The following MYO1E variants were observed in gnomAD, a reference collection of about 807,000 sequenced individuals.
The protein encoded by MYO1E is myosin IE.
A neutral mutation model predicts 151.1 loss-of-function variants in MYO1E; 68 were observed. The ratio of observed to expected loss-of-function variants is 0.45; its 90% CI spans 0.37 to 0.55. The LOEUF (loss-of-function observed/expected upper bound fraction) is 0.55. Among genes scored for constraint, MYO1E ranks in the 20% least tolerant of loss-of-function variants. The pLI, the probability that MYO1E is intolerant of heterozygous loss-of-function variation, is 0.00. For missense variants in MYO1E, 1,363 were observed against 1,389.3 expected, an observed-to-expected ratio of 0.98 and a Z score of 0.30; for synonymous variants, 601 against 501.7, an observed-to-expected ratio of 1.20 and a Z score of -2.64.
At chr15:59,275,175 ATGAC>A (rs1159828709) in intron 1 of MYO1E, among the ~76,000 whole-genome samples, 2 of 152,166 alleles carry the variant, frequency 1.3e-5, no homozygotes, top group Non-Finnish European at 2.9e-5. Flanking sequence ...TCATACATGA[ATGAC>A]TGACTTATTG....
intron 3 of MYO1E, among the ~76,000 whole-genome samples, chr15:59,257,653 G>A (rs767639073): frequency 1.3e-5 from 2 of 152,108 alleles, no homozygotes; most frequent in Non-Finnish European, 2.9e-5. Context: ...TGGTGGGGAG[G>A]GGTTAGGATG....
intron 22 of MYO1E, among the ~76,000 whole-genome samples, chr15:59,167,932 G>A (rs1382958065): frequency 6.6e-6 from 1 of 152,032 alleles, no homozygotes; most frequent in Non-Finnish European, 1.5e-5. Flanking sequence ...GCTCGCCTCG[G>A]CCTCCCAAAG....
chr15:59,290,552 C>A (rs1392004402), intron 1 of MYO1E, among the ~76,000 whole-genome samples: 1 of 152,158 alleles, frequency 6.6e-6, no homozygotes, highest in Non-Finnish European at 1.5e-5. Flanking sequence ...AGTCAGACTC[C>A]CCATGCCTGG....
chr15:59,255,882 G>A (rs182167578), intron 4 of MYO1E, among the ~76,000 whole-genome samples: 69 of 152,304 alleles, frequency 4.5e-4, no homozygotes, highest in African/African-American at 1.4e-3. Context: ...ATTATGAAAT[G>A]TGGCTACAGA....
chr15:59,367,009 A>C (rs1241581679), intron 1 of MYO1E, among the ~76,000 whole-genome samples: 3 of 150,874 alleles, frequency 2.0e-5, no homozygotes, highest in Non-Finnish European at 4.4e-5. Flanking sequence ...AAAAAAAAAA[A>C]AAAAAAAAAA....
intron 4 of MYO1E, among the ~76,000 whole-genome samples, chr15:59,250,393 C>G (rs142986606): frequency 6.6e-6 from 1 of 152,060 alleles, no homozygotes; most frequent in African/African-American, 2.4e-5. Context: ...GTTTTCTGGT[C>G]GGCAATACTG....
At chr15:59,147,420 C>T (rs1368278317) in intron 26 of MYO1E, among the ~76,000 whole-genome samples, 7 of 151,764 alleles carry the variant, frequency 4.6e-5, no homozygotes, top group South Asian at 2.1e-4. Flanking sequence ...GCCAACATGG[C>T]GAAACCCCGT....
Position 59,153,688 on chromosome 15 carries a change from G to A in MYO1E, c.2982C>T (p.Arg994=), listed in dbSNP as rs1399295514. 1 of 1,614,198 alleles carries A rather than the reference G, an allele frequency of 6.2e-7. No homozygotes were observed. The highest frequency in any genetic ancestry group is 1.1e-5 in the South Asian group (1 of 91,086). Residue 994 remains arginine (R), a synonymous_variant, in exon 26 of 28, where the codon CGC becomes CGT. Transcript: ENST00000288235. ...TAGACTGCTGCCGAGGCAAGGGCGG[G>A]CGGGCCATGGAGGTGTACAGGCTTT... ...NQKSLYTSMA[R]PPLPRQQSTS...
At chr15:59,224,506 T>G (rs906408715) in intron 8 of MYO1E, among the ~76,000 whole-genome samples, 183 bp downstream of exon 8, 1 of 152,224 alleles carries the variant, frequency 6.6e-6, no homozygotes, top group African/African-American at 2.4e-5. Flanking sequence ...TAAGTGGTCC[T>G]CAGGCAACTG....
chr15:59,268,631 T>C (rs1012405156), intron 2 of MYO1E, among the ~76,000 whole-genome samples: 1 of 150,420 alleles, frequency 6.6e-6, no homozygotes, highest in Admixed American at 6.7e-5. Context: ...CACACATATA[T>C]GCATGGCCAT....
At chr15:59,223,869 T>G (rs149103380) in intron 8 of MYO1E, among the ~76,000 whole-genome samples, 1 of 152,200 alleles carries the variant, frequency 6.6e-6, no homozygotes, top group Non-Finnish European at 1.5e-5. Flanking sequence ...TATTGGCACT[T>G]TTCCCCGCAG....
At chr15:59,359,860 A>G (rs1312969945) in intron 1 of MYO1E, 2 of 152,186 alleles carry the variant, frequency 1.3e-5, no homozygotes, top group Non-Finnish European at 1.5e-5. Context: ...TATAAAACAA[A>G]GCCACTCCTA....
At chr15:59,240,679 C>T (rs1371094387) in intron 4 of MYO1E, among the ~76,000 whole-genome samples, 1 of 152,158 alleles carries the variant, frequency 6.6e-6, no homozygotes, top group Non-Finnish European at 1.5e-5. Flanking sequence ...CCAATGCACC[C>T]CCATCCCCCA....
chr15:59,162,471 C>G (rs945835741), intron 23 of MYO1E, among the ~76,000 whole-genome samples: 1 of 151,860 alleles, frequency 6.6e-6, no homozygotes, highest in Non-Finnish European at 1.5e-5. Flanking sequence ...TGGTGAAACC[C>G]CGTATCTACT....
chr15:59,213,142 A>AT (rs1355841286), intron 12 of MYO1E, among the ~76,000 whole-genome samples: 3,861 of 27,416 alleles, frequency 0.14, 85 homozygotes, highest in Middle Eastern at 0.27. Context: ...TTTATTTATT[A>AT]TTATTATTAT....
chr15:59,148,539 T>C (rs550203644), intron 26 of MYO1E, among the ~76,000 whole-genome samples: 1 of 152,352 alleles, frequency 6.6e-6, no homozygotes, highest in East Asian at 1.9e-4. Flanking sequence ...AGGTTGAATC[T>C]ATAAACATTA....
At chr15:59,227,426 G>C in intron 7 of MYO1E, 33 bp downstream of exon 7, 1 of 1,613,358 alleles carries the variant, frequency 6.2e-7, no homozygotes, top group Non-Finnish European at 8.5e-7. Flanking sequence ...AGAAGGGACA[G>C]GAAGTGGGTA....
At chr15:59,351,165 C>G (rs1183058589) in intron 1 of MYO1E, among the ~76,000 whole-genome samples, 1 of 152,170 alleles carries the variant, frequency 6.6e-6, no homozygotes, top group Non-Finnish European at 1.5e-5. Flanking sequence ...TCCCAAAGTG[C>G]TGGGATTACA....
chr15:59,133,190 G>C lies in MYO1E; in HGVS notation c.*4190C>G, dbSNP rs1432679285. 1 of 152,172 alleles carries C rather than the reference G, an allele frequency of 6.6e-6. No homozygotes were observed. Among genetic ancestry groups the C allele is most frequent in the Non-Finnish European group, 1.5e-5 (1 of 68,046 alleles). The allele number at this position is 152,172 out of a possible 1,614,324, so 9.4% of individuals were successfully genotyped here. On this transcript the variant is annotated 3_prime_UTR_variant, in exon 28 of 28. Transcript: ENST00000288235. Reference sequence around the variant, plus strand: ...GAGCCCAGAGCTTTGAGACCAGCTGGGCAACACAGGGAGACCCCATCTGTA... The same window carrying C: ...GAGCCCAGAGCTTTGAGACCAGCTGCGCAACACAGGGAGACCCCATCTGTA...
Sources: allele counts gnomAD v4.1 joint callset (sites outside exome capture counted in the v4.1 genomes callset), GRCh38; gene constraint gnomAD v4.1.1; transcripts MANE v1.5; gene names NCBI Gene and HGNC (gene_info 2026-07-23, HGNC 2026-07-21).